The following SHROOM4 variants were observed in gnomAD, a reference collection of about 807,000 sequenced individuals.
SHROOM4 encodes the protein shroom family member 4.
A neutral mutation model predicts 80.3 loss-of-function variants in SHROOM4; 17 were observed. The ratio of observed to expected loss-of-function variants is 0.21; its 90% CI spans 0.14 to 0.32. SHROOM4 has a LOEUF of 0.32. Ranked by LOEUF, SHROOM4 falls within the 10% of genes least tolerant of loss-of-function variation. The pLI is 1.00. For synonymous variants in SHROOM4, 400 were observed against 437.5 expected (o/e 0.91, Z 1.07); for missense variants, 993 against 1,140.3 (o/e 0.87, Z 1.86).
rs782467569 is a variant in SHROOM4, at chrX:50,734,170, A to T, written c.118-38233T>A. Among the ~76,000 whole-genome samples the T allele has an allele frequency of 3.6e-5, 4 of 112,108 alleles. No homozygotes were observed. In the South Asian group the frequency reaches 1.1e-3, roughly 31 times the overall value. Reference sequence around the variant, plus strand: ...CTACATTCATAAATTCAAAGACCTAACATTTTTAAGATGGCAGTACTTCCC... The same window carrying T: ...CTACATTCATAAATTCAAAGACCTATCATTTTTAAGATGGCAGTACTTCCC... On this transcript the variant is annotated intron_variant, in intron 1 of 8. Transcript: ENST00000376020.
chrX:50,577,354 A>G, the SHROOM4 span, among the ~76,000 whole-genome samples: 3 of 112,849 alleles, frequency 2.7e-5, no homozygotes, highest in Non-Finnish European at 3.7e-5. Flanking sequence ...TTATTCACAT[A>G]TGAGAGGGTG....
Position 50,677,589 on chromosome X carries a change from C to G in SHROOM4, c.269+18197G>C, listed in dbSNP as rs1363327013. Among the ~76,000 whole-genome samples the G allele has an allele frequency of 2.7e-5, 3 of 111,198 alleles. No homozygotes were observed. The East Asian group carries it at 8.5e-4, about 32-fold the overall frequency. On this transcript the variant is annotated intron_variant, in intron 2 of 8. Coordinates refer to ENST00000376020, the MANE Select transcript of SHROOM4 (RefSeq NM_020717.5). ...CTCTCATTTCATCCTCAGTAGAAAT[C>G]AGTGAAAAAGAGGTGAGAAAATGGA...
At chrX:50,656,463 G>A (rs782457530) in intron 2 of SHROOM4, among the ~76,000 whole-genome samples, 19 of 111,768 alleles carry the variant, frequency 1.7e-4, no homozygotes, top group Middle Eastern at 4.6e-3. Flanking sequence ...ATTTCATTCC[G>A]CATGTGAATA....
At chrX:50,748,414 A>G (rs1934825869) in intron 1 of SHROOM4, among the ~76,000 whole-genome samples, 1 of 111,978 alleles carries the variant, frequency 8.9e-6, no homozygotes, top group South Asian at 3.7e-4. Flanking sequence ...AAGAAGGTAC[A>G]TACTGTTTTG....
In SHROOM4 at chrX:50,689,199, A is replaced by T. The variant is rs139443454; in HGVS notation, c.269+6587T>A. Among the ~76,000 whole-genome samples, 169 of 111,737 alleles carry T rather than the reference A, an allele frequency of 1.5e-3. 2 individuals carry two copies. In the East Asian group the frequency reaches 0.042, roughly 28 times the overall value. On this transcript the variant is annotated intron_variant, in intron 2 of 8. Transcript: ENST00000376020. ...ACCACTATGTACCCCATAAATACGT[A>T]CTATGTATCAGTTAAAATAAATTAA...
In SHROOM4 at chrX:50,635,677, C is replaced by T; in HGVS notation, c.405-9G>A. The T allele has an allele frequency of 5.8e-6, 7 of 1,204,613 alleles. No homozygotes were observed. The highest frequency in any genetic ancestry group is 7.8e-6 in the Non-Finnish European group (7 of 892,403). On this transcript the variant is annotated splice_polypyrimidine_tract_variant and intron_variant, in intron 3 of 8. Coordinates refer to ENST00000376020, the MANE Select transcript of SHROOM4 (RefSeq NM_020717.5). ...ACTGCACACACACGTCACTGTAAGA[C>T]ACAGGGCATACTGGTTAGTTAGCGA... is the stretch of plus-strand genomic sequence containing the variant.
intron 5 of SHROOM4, among the ~76,000 whole-genome samples, chrX:50,613,703 G>A (rs1930097030): frequency 8.9e-6 from 1 of 112,042 alleles, no homozygotes; most frequent in Non-Finnish European, 1.9e-5. Flanking sequence ...TAGCAACGAT[G>A]ACTCAACATT....
rs782146633 is a variant in SHROOM4, at chrX:50,597,011, T to C, written c.4213-47A>G. 4 of 1,187,107 alleles carry C rather than the reference T, an allele frequency of 3.4e-6. No individual in the cohort carries two copies. In the South Asian group the frequency reaches 7.3e-5, roughly 22 times the overall value. ...TAAGGGCTCTCTCAATTACCAGGCA[T>C]CTGTCCAACAGTGCTGCCTAGCAGT... On this transcript the variant is annotated intron_variant, in intron 8 of 8. Coordinates refer to ENST00000376020, the MANE Select transcript of SHROOM4 (RefSeq NM_020717.5).
intron 1 of SHROOM4, among the ~76,000 whole-genome samples, chrX:50,707,507 G>C (rs1933706692): frequency 9.0e-6 from 1 of 111,628 alleles, no homozygotes; most frequent in African/African-American, 3.3e-5. Flanking sequence ...GTCTGATTCA[G>C]ATTACCTGTG....
At chrX:50,653,487 A>AAT (rs1185704631) in intron 2 of SHROOM4, among the ~76,000 whole-genome samples, 1 of 111,794 alleles carries the variant, frequency 8.9e-6, no homozygotes, top group Non-Finnish European at 1.9e-5. Flanking sequence ...GGGTTTTCTA[A>AAT]ATATACAATC....
intron 1 of SHROOM4, among the ~76,000 whole-genome samples, chrX:50,783,627 G>A (rs1178336849): frequency 9.1e-6 from 1 of 109,573 alleles, no homozygotes; most frequent in African/African-American, 3.3e-5. Flanking sequence ...CCAGCCTGGA[G>A]TGCAGTGGCG....
In SHROOM4 at chrX:50,635,685, A is replaced by G. The variant is rs915930357; in HGVS notation, c.405-17T>C. On this transcript the variant is annotated splice_polypyrimidine_tract_variant and intron_variant, in intron 3 of 8. Transcript: ENST00000376020. ...CACACGTCACTGTAAGACACAGGGC[A>G]TACTGGTTAGTTAGCGAAGTCATGG... The G allele has an allele frequency of 1.7e-6, 2 of 1,197,490 alleles. No homozygotes were observed. The highest frequency in any genetic ancestry group is 3.6e-5 in the African/African-American group (2 of 55,753).
chrX:50,700,205 T>G (rs1263102573), intron 1 of SHROOM4, among the ~76,000 whole-genome samples: 1 of 112,417 alleles, frequency 8.9e-6, no homozygotes, highest in Non-Finnish European at 1.9e-5. Context: ...GATGTGTTTG[T>G]TTTTTTGTTT....
At chrX:50,806,510 T>C (rs111660734) in intron 1 of SHROOM4, among the ~76,000 whole-genome samples, 133 of 112,279 alleles carry the variant, frequency 1.2e-3, no homozygotes, top group Non-Finnish European at 2.0e-3. Context: ...GACAAACCTC[T>C]ACCCCTTCCC....
At chrX:50,737,116 ATATAT>A (rs1161683075) in intron 1 of SHROOM4, among the ~76,000 whole-genome samples, 17 of 111,807 alleles carry the variant, frequency 1.5e-4, no homozygotes, top group African/African-American at 4.9e-4. Flanking sequence ...TAAATGTAAA[ATATAT>A]TATAAGAATT....
intron 1 of SHROOM4, among the ~76,000 whole-genome samples, chrX:50,738,708 T>C (rs1222214448): frequency 3.6e-5 from 4 of 111,872 alleles, no homozygotes; most frequent in Non-Finnish European, 7.5e-5. Context: ...GAACATTCCA[T>C]GCTCATGGAT....
intron 1 of SHROOM4, among the ~76,000 whole-genome samples, chrX:50,813,160 TGGCGGCGGCGGCGGCGGC>T (rs781798597): frequency 9.8e-6 from 1 of 102,020 alleles, no homozygotes; most frequent in African/African-American, 3.5e-5. Context: ...GCGGCGGCAG[TGGCGGCGGCGGCGGCGGC>T]GGCGGCGGCA....
chrX:50,602,077 GTTCTT>G (rs1157726344), intron 7 of SHROOM4, among the ~76,000 whole-genome samples: 5 of 109,894 alleles, frequency 4.5e-5, no homozygotes, highest in Non-Finnish European at 9.5e-5. Context: ...TTGTTGGGCT[GTTCTT>G]TTCTTTTCTT....
At position 50,595,183 on chromosome X, in the gene SHROOM4, A is replaced by C. The variant is rs945317582; in HGVS notation, c.*1512T>G. 6 of 113,106 alleles carry C rather than the reference A, an allele frequency of 5.3e-5. No homozygotes were observed. Among genetic ancestry groups the C allele is most frequent in the Admixed American group, 9.3e-5 (1 of 10,729 alleles). The allele number at this position is 113,106 out of a possible 1,213,427, so 9.3% of individuals were successfully genotyped here. ...AGGGAGCTAAGCTGGATAACAGGGC[A>C]GCATTTGGCCATAACCCCCTTCTTG... On this transcript the variant is annotated 3_prime_UTR_variant, in exon 9 of 9. Transcript: ENST00000376020.
Sources: allele counts gnomAD v4.1 joint callset (sites outside exome capture counted in the v4.1 genomes callset), GRCh38; gene constraint gnomAD v4.1.1; transcripts MANE v1.5; gene names NCBI Gene and HGNC (gene_info 2026-07-23, HGNC 2026-07-21).